TOPBP1: variants seen among roughly 807,000 people sequenced by gnomAD.
TOPBP1 encodes DNA topoisomerase 2-binding protein 1.
A neutral mutation model predicts 167.7 loss-of-function variants in TOPBP1; 28 were observed. The observed-to-expected ratio is 0.17, with a 90% CI of 0.12 to 0.23. The LOEUF (loss-of-function observed/expected upper bound fraction) is 0.23, where lower values mean the gene tolerates loss of function less well. TOPBP1 is among the 10% of genes least tolerant of loss of function. The pLI, the probability that TOPBP1 is intolerant of heterozygous loss-of-function variation, is 1.00. For missense variants in TOPBP1, 1,554 were observed against 1,809.6 expected, an observed-to-expected ratio of 0.86 and a Z score of 2.56; for synonymous variants, 598 against 611.4, an observed-to-expected ratio of 0.98 and a Z score of 0.32.
At chr3:133,643,888 A>G in intron 11 of TOPBP1, 132 bp downstream of exon 11, 1 of 981,656 alleles carries the variant, frequency 1.0e-6, no homozygotes, top group Non-Finnish European at 1.5e-6. Context: ...TTCCCTTGCT[A>G]AAAGCAAAAT....
At position 133,623,440 on chromosome 3, in the gene TOPBP1, T is replaced by C; in HGVS notation, c.2946A>G (p.Lys982=). The change falls in exon 18 of 28, where the codon AAA becomes AAG. Residue 982 remains lysine (K), a synonymous_variant. Transcript: ENST00000260810. The part of the protein sequence containing the change: ...HWLLDCAQEC[K]HLPESLYPHT... ...GTGGATAAAGAGATTCAGGAAGATG[T>C]TTACACTCTTGGGCACACTGCAATA... 2 of 1,611,460 alleles carry C rather than the reference T, an allele frequency of 1.2e-6. No individual in the cohort carries two copies. The highest frequency in any genetic ancestry group is 2.2e-5 in the South Asian group (2 of 90,572).
rs551753732 is a variant in TOPBP1 at position 133,647,066 on chromosome 3, G to C, written c.1504+2317C>G. ...TTTCATAAAACTTAGAGGTGAAGGA[G>C]AGTATACCCTGAGAGAACAAGCCCA... On this transcript the variant is annotated intron_variant, in intron 10 of 27. Coordinates refer to ENST00000260810, the MANE Select transcript of TOPBP1 (RefSeq NM_007027.4). Among the ~76,000 whole-genome samples, 4 of 152,274 alleles carry C rather than the reference G, an allele frequency of 2.6e-5. No individual in the cohort carries two copies. The East Asian group carries it at 7.7e-4, about 29-fold the overall frequency.
intron 21 of TOPBP1, 106 bp from the exon 22 acceptor site, chr3:133,617,432 C>G (rs1354493574): frequency 7.7e-7 from 1 of 1,292,766 alleles, no homozygotes; most frequent in Non-Finnish European, 1.0e-6. Context: ...CAAGCACAAA[C>G]TCTGGAATGT....
rs1251877453 is a variant in TOPBP1 at position 133,616,887 on chromosome 3, T to C, written c.3798A>G (p.Lys1266=). Residue 1266 remains lysine, a synonymous_variant, in exon 23 of 28, where the codon AAA becomes AAG. Transcript: ENST00000260810. The part of the protein sequence containing the change: ...TIEETHEELK[K]QYIFQLSSLN... ...GAGATGATAACTGAAATATGTACTG[T>C]TTTTTTAATTCTTCATGAGTCTCCT... 6.5e-7 allele frequency: 1 copy of C among 1,549,124 alleles called. No homozygotes were observed. The highest frequency in any genetic ancestry group is 8.7e-7 in the Non-Finnish European group (1 of 1,150,002).
At chr3:133,631,516 T>A (rs1256706462) in intron 14 of TOPBP1, among the ~76,000 whole-genome samples, 1 of 152,194 alleles carries the variant, frequency 6.6e-6, no homozygotes, top group Non-Finnish European at 1.5e-5. Context: ...TTTGATATGG[T>A]TTGGATTTGT....
chr3:133,613,784 CTTT>C (rs11393295), intron 23 of TOPBP1, among the ~76,000 whole-genome samples: 8 of 127,248 alleles, frequency 6.3e-5, no homozygotes, highest in Admixed American at 1.6e-4. Context: ...ATATCAAGGA[CTTT>C]TTTTTTTTTT....
At chr3:133,612,008 A>C (rs971976810) in intron 24 of TOPBP1, among the ~76,000 whole-genome samples, 1 of 150,662 alleles carries the variant, frequency 6.6e-6, no homozygotes, top group Non-Finnish European at 1.5e-5. Flanking sequence ...AAAGTGCTGA[A>C]AGTGGCATGA....
chr3:133,608,016 T>C (rs1465241775), intron 27 of TOPBP1, among the ~76,000 whole-genome samples: 1 of 152,222 alleles, frequency 6.6e-6, no homozygotes, highest in East Asian at 1.9e-4. Context: ...GTGTCATGCC[T>C]GCTGACTCCT....
chr3:133,625,589 G>A (rs957684842), intron 16 of TOPBP1, among the ~76,000 whole-genome samples: 2 of 151,964 alleles, frequency 1.3e-5, no homozygotes, highest in Non-Finnish European at 2.9e-5. Flanking sequence ...AAATTAGCCG[G>A]GTGTGGTGGC....
intron 8 of TOPBP1, among the ~76,000 whole-genome samples, chr3:133,651,775 C>A (rs1936314912): frequency 6.6e-6 from 1 of 152,078 alleles, no homozygotes; most frequent in South Asian, 2.1e-4. Context: ...CTGTGTGACT[C>A]TGAACAAGAA....
At chr3:133,612,185 G>A (rs183283768) in intron 24 of TOPBP1, among the ~76,000 whole-genome samples, 134 of 152,006 alleles carry the variant, frequency 8.8e-4, no homozygotes, top group African/African-American at 3.1e-3. Flanking sequence ...GGGATTACAG[G>A]CACTCACCAC....
In TOPBP1 at chr3:133,616,830, A is replaced by G. The variant is rs1425643244; in HGVS notation, c.3855T>C (p.His1285=). ...LNPQERIDYC[H]LIEKLGGLVI... ...TACTGGTACCTAGTTTCTCAATCAG[A>G]TGACAATAGTCAATACGTTCTTGAG... Residue 1285 remains histidine (H), a synonymous_variant, in exon 23 of 28, where the codon CAT becomes CAC. Transcript: ENST00000260810. 17 of 1,524,906 alleles carry G rather than the reference A, an allele frequency of 1.1e-5. No homozygotes were observed. Among genetic ancestry groups the G allele is most frequent in the Non-Finnish European group, 1.5e-5 (17 of 1,141,856 alleles). 94.5% of individuals were successfully genotyped at this position (1,524,906 alleles called of 1,614,324 possible).
chr3:133,638,996 T>C (rs1294943128), intron 13 of TOPBP1, among the ~76,000 whole-genome samples: 1 of 152,056 alleles, frequency 6.6e-6, no homozygotes, highest in East Asian at 1.9e-4. Context: ...CAAAAAACAT[T>C]ATACCAAGAC....
intron 25 of TOPBP1, among the ~76,000 whole-genome samples, chr3:133,609,624 G>C (rs1192298257): frequency 6.6e-6 from 1 of 152,154 alleles, no homozygotes; most frequent in Non-Finnish European, 1.5e-5. Context: ...CTGATAGTGA[G>C]TTCTCAGGAG....
At chr3:133,604,283 C>T (rs150622145) in intron 27 of TOPBP1, among the ~76,000 whole-genome samples, 42 of 151,736 alleles carry the variant, frequency 2.8e-4, no homozygotes, top group African/African-American at 8.5e-4. Flanking sequence ...TACAGGCACA[C>T]GCCACCACAC....
rs566890652 is a variant in TOPBP1 at position 133,601,200 on chromosome 3, T to C, written c.*50A>G. On this transcript the variant is annotated 3_prime_UTR_variant, in exon 28 of 28. Transcript: ENST00000260810. ...AAATCTATCACAGTCACATTCAGGC[T>C]TTCAATTTTTAAAAACATTTAATGT... 7.9e-6 allele frequency: 12 copies of C among 1,516,890 alleles called. No individual in the cohort carries two copies. In the East Asian group the frequency reaches 2.1e-4, roughly 27 times the overall value. 94.0% of individuals were successfully genotyped at this position (1,516,890 alleles called of 1,614,324 possible). A position where few individuals can be genotyped will look rare whatever the true frequency, so the allele number is the denominator to read the frequency against.
Position 133,616,915 on chromosome 3 carries a change from A to G in TOPBP1, c.3770T>C (p.Ile1257Thr). 6.6e-7 allele frequency: 1 copy of G among 1,503,876 alleles called. No homozygotes were observed. 93.2% of individuals were successfully genotyped at this position (1,503,876 alleles called of 1,614,324 possible). A position where few individuals can be genotyped will look rare whatever the true frequency, so the allele number is the denominator to read the frequency against. ...APHPREKIIT[I>T]EETHEELKKQ... ...TTTTAATTCTTCATGAGTCTCCTCT[A>G]TCGTTATAATCTGGAATGAAAGTTT... Residue 1257 changes from isoleucine (I) to threonine (T), a missense_variant, in exon 23 of 28, where the codon ATA becomes ACA. Ile to Thr is a moderately conservative substitution (Grantham distance 89). Coordinates refer to ENST00000260810, the MANE Select transcript of TOPBP1 (RefSeq NM_007027.4).
chr3:133,602,102 G>A (rs192400888), intron 27 of TOPBP1, among the ~76,000 whole-genome samples: 48 of 152,276 alleles, frequency 3.2e-4, no homozygotes, highest in Middle Eastern at 3.4e-3. Flanking sequence ...AGAACCTAGA[G>A]TTTCTTTTTT....
Position 133,653,412 on chromosome 3 carries a change from T to C in TOPBP1, c.855A>G (p.Glu285=). 2 of 1,613,116 alleles carry C rather than the reference T, an allele frequency of 1.2e-6. No individual in the cohort carries two copies. The highest frequency in any genetic ancestry group is 1.7e-6 in the Non-Finnish European group (2 of 1,179,656). ...GCATAGTCTTTGCTTCTGGTCTAGGTTCTGTCTTGTATATGGATTCATCCT... is the reference window on the plus strand; with the variant it reads ...GCATAGTCTTTGCTTCTGGTCTAGGCTCTGTCTTGTATATGGATTCATCCT... ...FCQDESIYKT[E]PRPEAKTMPN... The change falls in exon 7 of 28, where the codon GAA becomes GAG. Residue 285 remains glutamate, a synonymous_variant. Transcript: ENST00000260810.
Sources: gnomAD v4.1 joint callset for allele counts (sites outside exome capture counted in the v4.1 genomes callset) on GRCh38, gnomAD v4.1.1 for gene constraint, MANE v1.5 for transcripts, NCBI Gene and HGNC (gene_info 2026-07-23, HGNC 2026-07-21) for gene names.